The following CDKAL1 variants were observed in gnomAD, a reference collection of about 807,000 sequenced individuals.
The protein encoded by CDKAL1 is threonylcarbamoyladenosine tRNA methylthiotransferase.
A neutral mutation model predicts 68.2 loss-of-function variants in CDKAL1; 32 were observed. The observed-to-expected ratio is 0.47, with a 90% CI of 0.35 to 0.63. The LOEUF is 0.63. Ranked by LOEUF, CDKAL1 falls within the 30% of genes least tolerant of loss-of-function variation. The pLI, the probability that CDKAL1 is intolerant of heterozygous loss-of-function variation, is 0.00. For missense variants in CDKAL1, 606 were observed against 696.7 expected (o/e 0.87, Z 1.47); for synonymous variants, 234 against 244.3 (o/e 0.96, Z 0.39).
intron 9 of CDKAL1, among the ~76,000 whole-genome samples, chr6:20,859,360 G>A (rs1008349905): frequency 6.6e-6 from 1 of 152,140 alleles, no homozygotes; most frequent in African/African-American, 2.4e-5. Flanking sequence ...AAGCCACCTG[G>A]CTTTCCCTCT....
intron 10 of CDKAL1, among the ~76,000 whole-genome samples, chr6:20,982,730 TAG>T (rs949059019): frequency 2.0e-5 from 3 of 152,160 alleles, no homozygotes; most frequent in Non-Finnish European, 4.4e-5. Flanking sequence ...AAGGGTAAGT[TAG>T]ATTTTTTTTT....
intron 13 of CDKAL1, among the ~76,000 whole-genome samples, chr6:21,190,840 C>T (rs1414440570): frequency 2.0e-5 from 3 of 152,150 alleles, no homozygotes; most frequent in Non-Finnish European, 4.4e-5. Flanking sequence ...TTTTGTTACT[C>T]TATTTAAATA....
intron 7 of CDKAL1, among the ~76,000 whole-genome samples, chr6:20,763,114 G>A (rs1774541027): frequency 6.6e-6 from 1 of 152,156 alleles, no homozygotes; most frequent in Non-Finnish European, 1.5e-5. Context: ...TGTATGGATT[G>A]AATCAGTAAG....
intron 12 of CDKAL1, among the ~76,000 whole-genome samples, chr6:21,106,775 A>G (rs911341894): frequency 3.9e-5 from 6 of 152,170 alleles, no homozygotes; most frequent in Non-Finnish European, 8.8e-5. Flanking sequence ...GGATTTTGGT[A>G]TCTACGGGGA....
intron 4 of CDKAL1, among the ~76,000 whole-genome samples, chr6:20,582,030 A>T (rs1765161449): frequency 6.6e-6 from 1 of 152,214 alleles, no homozygotes; most frequent in Admixed American, 6.5e-5. Flanking sequence ...ATAAAAATTC[A>T]TAATTGATAT....
chr6:20,559,441 T>G (rs1377630961), intron 4 of CDKAL1: 1 of 152,234 alleles, frequency 6.6e-6, no homozygotes, highest in African/African-American at 2.4e-5. Flanking sequence ...TGATAATGTT[T>G]ATAAGTTCTT....
At chr6:21,118,468 A>G (rs917231948) in intron 13 of CDKAL1, among the ~76,000 whole-genome samples, 6 of 152,228 alleles carry the variant, frequency 3.9e-5, no homozygotes, top group African/African-American at 1.4e-4. Context: ...ACACAGATTC[A>G]GGGTTGCACA....
chr6:20,744,381 A>G (rs1198316328), intron 6 of CDKAL1, among the ~76,000 whole-genome samples: 1 of 152,166 alleles, frequency 6.6e-6, no homozygotes, highest in Non-Finnish European at 1.5e-5. Flanking sequence ...TTCAGCAAGT[A>G]CTTACTGAGT....
In CDKAL1 at chr6:21,175,836, A is replaced by T. The variant is rs138034492; in HGVS notation, c.1300-22185A>T. Among the ~76,000 whole-genome samples, 42 of 152,358 alleles carry T rather than the reference A, an allele frequency of 2.8e-4. No homozygotes were observed. In the East Asian group the frequency reaches 8.1e-3, roughly 29 times the overall value. On this transcript the variant is annotated intron_variant, in intron 13 of 15. Transcript: ENST00000274695. Reference sequence around the variant, plus strand: ...CCATTTTAACTTCACAGCAGGCTTCATGGTAGTAATCTGCTCCTCAAGATT... The same window carrying T: ...CCATTTTAACTTCACAGCAGGCTTCTTGGTAGTAATCTGCTCCTCAAGATT...
At chr6:20,855,475 A>C (rs1177864303) in intron 9 of CDKAL1, among the ~76,000 whole-genome samples, 1 of 136,528 alleles carries the variant, frequency 7.3e-6, no homozygotes, top group Non-Finnish European at 1.6e-5. Flanking sequence ...AAAAAAAAGA[A>C]CTTGCAGACA....
intron 4 of CDKAL1, among the ~76,000 whole-genome samples, chr6:20,561,470 A>AAAAAAAAC (rs1764267429): frequency 7.1e-6 from 1 of 139,936 alleles, no homozygotes; most frequent in African/African-American, 2.7e-5. Flanking sequence ...AAAAAAAAAA[A>AAAAAAAAC]AGAACAGACT....
chr6:20,947,272 T>C (rs1764284615), intron 9 of CDKAL1, among the ~76,000 whole-genome samples: 1 of 152,126 alleles, frequency 6.6e-6, no homozygotes, highest in Non-Finnish European at 1.5e-5. Context: ...AGTAAACCCA[T>C]TGTAAGTTGA....
intron 10 of CDKAL1, among the ~76,000 whole-genome samples, chr6:20,992,022 TTTTC>T (rs1407703845): frequency 3.9e-5 from 5 of 129,602 alleles, no homozygotes; most frequent in Admixed American, 2.9e-4. Flanking sequence ...CCACCTTTTT[TTTTC>T]TTTTCTTTTT....
chr6:20,744,744 C>A (rs1456858868), intron 6 of CDKAL1, among the ~76,000 whole-genome samples: 2 of 152,058 alleles, frequency 1.3e-5, no homozygotes, highest in Non-Finnish European at 2.9e-5. Context: ...ATTACAGTAT[C>A]CATTATTAAC....
chr6:20,862,996 A>C (rs1759725300), intron 9 of CDKAL1, among the ~76,000 whole-genome samples: 2 of 152,366 alleles, frequency 1.3e-5, no homozygotes, highest in South Asian at 4.1e-4. Context: ...ATTGCACTCC[A>C]GCCTGGGCAA....
At chr6:21,028,962 A>G (rs116073774) in intron 11 of CDKAL1, among the ~76,000 whole-genome samples, 1 of 152,140 alleles carries the variant, frequency 6.6e-6, no homozygotes, top group Non-Finnish European at 1.5e-5. Context: ...CCAGGCATTA[A>G]AATTTGAAGA....
In CDKAL1 at chr6:20,676,942, G is replaced by A. The variant is rs1420408055; in HGVS notation, c.371+27565G>A. Among the ~76,000 whole-genome samples, 4 of 152,072 alleles carry A rather than the reference G, an allele frequency of 2.6e-5. No individual in the cohort carries two copies. In the South Asian group the frequency reaches 8.3e-4, roughly 32 times the overall value. ...AAATTGCCTAATGACGTATTTCTTG[G>A]AAAGTATCTCCATCATTAAGTGACA... On this transcript the variant is annotated intron_variant, in intron 5 of 15. Coordinates refer to ENST00000274695, the MANE Select transcript of CDKAL1 (RefSeq NM_017774.3).
At chr6:20,798,584 T>TA (rs1776213630) in intron 8 of CDKAL1, among the ~76,000 whole-genome samples, 1 of 151,912 alleles carries the variant, frequency 6.6e-6, no homozygotes, top group Non-Finnish European at 1.5e-5. Context: ...TATGCAGCCA[T>TA]AAAAAATGAT....
At chr6:20,566,816 G>A (rs1764480220) in intron 4 of CDKAL1, among the ~76,000 whole-genome samples, 1 of 152,080 alleles carries the variant, frequency 6.6e-6, no homozygotes, top group African/African-American at 2.4e-5. Flanking sequence ...CCTTAAGGTA[G>A]CAGAGACCAA....
Sources: allele counts gnomAD v4.1 joint callset (sites outside exome capture counted in the v4.1 genomes callset), GRCh38; gene constraint gnomAD v4.1.1; transcripts MANE v1.5; gene names NCBI Gene and HGNC (gene_info 2026-07-23, HGNC 2026-07-21).